The following CTNNA2 variants were observed in gnomAD, a reference collection of about 807,000 sequenced individuals.
The protein encoded by CTNNA2 is catenin alpha-2.
A neutral mutation model predicts 101.0 loss-of-function variants in CTNNA2; 42 were observed. The ratio of observed to expected loss-of-function variants is 0.42; its 90% CI spans 0.32 to 0.54. The LOEUF (loss-of-function observed/expected upper bound fraction) is 0.54, where lower values mean the gene tolerates loss of function less well. CTNNA2 is among the 20% of genes least tolerant of loss of function. The pLI is 0.14. For missense variants in CTNNA2, 871 were observed against 1,223.1 expected, an observed-to-expected ratio of 0.71 and a Z score of 4.29; for synonymous variants, 450 against 456.4, an observed-to-expected ratio of 0.99 and a Z score of 0.18.
chr2:80,394,395 A>G (rs1406068894), intron 8 of CTNNA2, among the ~76,000 whole-genome samples: 1 of 152,216 alleles, frequency 6.6e-6, no homozygotes, highest in African/African-American at 2.4e-5. Flanking sequence ...AGAAGATATC[A>G]CAATTATTTC....
chr2:79,994,263 T>C lies in CTNNA2; in HGVS notation c.1056+84466T>C, dbSNP rs371587905. 2.5e-4 allele frequency among the ~76,000 whole-genome samples: 38 copies of C among 152,298 alleles called. No homozygotes were observed. In the South Asian group the frequency reaches 7.9e-3, roughly 32 times the overall value. ...AAAGCACCTCATGTTCCTTAAAACT[T>C]TGTCTTCTTGAGCCACAGACCCGTC... On this transcript the variant is annotated intron_variant, in intron 7 of 18. Coordinates refer to ENST00000402739, the MANE Select transcript of CTNNA2 (RefSeq NM_001282597.3).
intron 9 of CTNNA2, among the ~76,000 whole-genome samples, chr2:80,420,034 GAAAAAAAAAAAAAAA>G (rs527701227): frequency 4.8e-4 from 18 of 37,518 alleles, no homozygotes; most frequent in South Asian, 1.5e-3. Flanking sequence ...GGGAACTTGT[GAAAAAAAAAAAAAAA>G]AAAAAAAAAA....
At chr2:79,418,052 C>T (rs2104499151) in intron 4 of CTNNA2, among the ~76,000 whole-genome samples, 1 of 152,074 alleles carries the variant, frequency 6.6e-6, no homozygotes, top group Admixed American at 6.6e-5. Flanking sequence ...GTGCTGATTG[C>T]TTGGATGAGA....
chr2:79,188,468 G>A (rs1262215778), intron 1 of CTNNA2, among the ~76,000 whole-genome samples: 2 of 152,206 alleles, frequency 1.3e-5, no homozygotes, highest in Non-Finnish European at 2.9e-5. Flanking sequence ...AGCACAGTTA[G>A]CACAGTGACC....
chr2:79,864,400 A>G (rs1413160694), intron 4 of CTNNA2, among the ~76,000 whole-genome samples: 1 of 152,168 alleles, frequency 6.6e-6, no homozygotes, highest in Non-Finnish European at 1.5e-5. Context: ...AGTTGAACAG[A>G]GAGATCCAGG....
intron 7 of CTNNA2, among the ~76,000 whole-genome samples, chr2:80,253,154 G>T (rs1671892671): frequency 6.6e-6 from 1 of 152,052 alleles, no homozygotes; most frequent in Non-Finnish European, 1.5e-5. Context: ...CACCAAACTG[G>T]AAGTACAGAG....
At chr2:79,254,669 A>G (rs1167654250) in intron 2 of CTNNA2, among the ~76,000 whole-genome samples, 1 of 152,216 alleles carries the variant, frequency 6.6e-6, no homozygotes, top group Non-Finnish European at 1.5e-5. Context: ...AGAATGGACT[A>G]ATACAGGCAG....
At chr2:79,367,895 G>A (rs1677784616) in intron 3 of CTNNA2, among the ~76,000 whole-genome samples, 2 of 152,252 alleles carry the variant, frequency 1.3e-5, no homozygotes, top group Non-Finnish European at 1.5e-5. Flanking sequence ...TATAGATAAG[G>A]AATGTTCTGT....
At chr2:79,542,699 A>T (rs555858641) in intron 1 of CTNNA2, among the ~76,000 whole-genome samples, 1 of 152,350 alleles carries the variant, frequency 6.6e-6, no homozygotes, top group Non-Finnish European at 1.5e-5. Flanking sequence ...TTCTTATTTT[A>T]CAAATGTTAG....
rs113923540 is a variant in CTNNA2 at position 80,376,739 on chromosome 2, A to C, written c.1057-16472A>C. On this transcript the variant is annotated intron_variant, in intron 7 of 18. Transcript: ENST00000402739. ...CAATTCCCTTCGAGGACTCCCCATCAGTGTGGGGCAGACATGGAAAGCCTG... is the reference window on the plus strand; with the variant it reads ...CAATTCCCTTCGAGGACTCCCCATCCGTGTGGGGCAGACATGGAAAGCCTG... Among the ~76,000 whole-genome samples the C allele has an allele frequency of 9.3e-4, 142 of 152,292 alleles. 1 individual carries two copies. Among genetic ancestry groups the C allele is most frequent in the African/African-American group, 3.3e-3 (138 of 41,554 alleles).
At chr2:80,364,668 C>G (rs1271230816) in intron 7 of CTNNA2, among the ~76,000 whole-genome samples, 1 of 147,852 alleles carries the variant, frequency 6.8e-6, no homozygotes, top group Non-Finnish European at 1.5e-5. Context: ...ACTTTTCTTT[C>G]CTCACCCCAG....
intron 2 of CTNNA2, among the ~76,000 whole-genome samples, chr2:79,728,316 C>G (rs1686989196): frequency 6.6e-6 from 1 of 152,194 alleles, no homozygotes; most frequent in South Asian, 2.1e-4. Flanking sequence ...ATTTGCATTT[C>G]TCTGATGGCC....
At chr2:79,941,296 C>G (rs568906038) in intron 7 of CTNNA2, among the ~76,000 whole-genome samples, 1 of 152,246 alleles carries the variant, frequency 6.6e-6, no homozygotes, top group East Asian at 1.9e-4. Context: ...CTGGCCTGTC[C>G]TTAACTCTAC....
chr2:79,305,903 G>A (rs1485104033), intron 2 of CTNNA2, among the ~76,000 whole-genome samples: 1 of 151,910 alleles, frequency 6.6e-6, no homozygotes, highest in Non-Finnish European at 1.5e-5. Context: ...AAAATTAGCT[G>A]GGCATGGTGG....
At chr2:79,826,551 C>A (rs1678452978) in intron 3 of CTNNA2, among the ~76,000 whole-genome samples, 1 of 152,216 alleles carries the variant, frequency 6.6e-6, no homozygotes, top group South Asian at 2.1e-4. Context: ...CCACTATCAT[C>A]TTCATATCTG....
intron 7 of CTNNA2, among the ~76,000 whole-genome samples, chr2:80,224,773 A>G (rs967178050): frequency 6.6e-6 from 1 of 152,014 alleles, no homozygotes; most frequent in African/African-American, 2.4e-5. Context: ...GCTACAAGAG[A>G]CCTACCTCTA....
intron 1 of CTNNA2, among the ~76,000 whole-genome samples, chr2:79,627,532 A>G (rs1327364850): frequency 3.3e-5 from 5 of 152,188 alleles, no homozygotes; most frequent in East Asian, 1.9e-4. Flanking sequence ...TTCAGGCCCC[A>G]TTATACCATA....
At chr2:80,634,860 A>ACC (rs1323577553) in intron 18 of CTNNA2, among the ~76,000 whole-genome samples, 1 of 152,150 alleles carries the variant, frequency 6.6e-6, no homozygotes, top group Non-Finnish European at 1.5e-5. Context: ...TGGGTGTTTA[A>ACC]CCAAAGCATT....
At chr2:80,488,139 G>A (rs1686745052) in intron 9 of CTNNA2, among the ~76,000 whole-genome samples, 1 of 152,154 alleles carries the variant, frequency 6.6e-6, no homozygotes, top group South Asian at 2.1e-4. Flanking sequence ...CTCTTTTGAT[G>A]AGTGAATTAG....
Sources: allele counts gnomAD v4.1 joint callset (sites outside exome capture counted in the v4.1 genomes callset), GRCh38; gene constraint gnomAD v4.1.1; transcripts MANE v1.5; gene names NCBI Gene and HGNC (gene_info 2026-07-23, HGNC 2026-07-21).